The following TMEM108 variants were observed in gnomAD, a reference collection of about 807,000 sequenced individuals.
The protein encoded by TMEM108 is cancer/testis antigen 124.
In TMEM108, 12 loss-of-function variants were observed where a neutral mutation model predicts 35.1. The observed-to-expected ratio is 0.34, with a 90% CI of 0.22 to 0.55. TMEM108 has a LOEUF of 0.55. Ranked by LOEUF, TMEM108 falls within the 20% of genes least tolerant of loss-of-function variation. The pLI, the probability that TMEM108 is intolerant of heterozygous loss-of-function variation, is 0.89. For missense variants in TMEM108, 680 were observed against 753.3 expected (o/e 0.90, Z 1.14); for synonymous variants, 287 against 308.6 (o/e 0.93, Z 0.73).
chr3:133,334,518 C>T (rs1384363877), intron 3 of TMEM108, among the ~76,000 whole-genome samples: 1 of 152,084 alleles, frequency 6.6e-6, no homozygotes, highest in Non-Finnish European at 1.5e-5. Flanking sequence ...GCCAGGAGGA[C>T]AATGACTGTG....
chr3:133,373,384 TGATAGATAGATAGATAGATA>T (rs55867564), intron 3 of TMEM108, among the ~76,000 whole-genome samples: 8,304 of 136,268 alleles, frequency 0.061, 377 homozygotes, highest in East Asian at 0.23. Flanking sequence ...GATAGATAGA[TGATAGATAGATAGATAGATA>T]GATAGATAGA....
At chr3:133,140,714 A>G (rs970371861) in intron 2 of TMEM108, among the ~76,000 whole-genome samples, 4 of 152,186 alleles carry the variant, frequency 2.6e-5, no homozygotes, top group Admixed American at 6.6e-5. Flanking sequence ...GTACTCCATA[A>G]GAAGTCTTAA....
At chr3:133,080,994 G>A (rs757568397) in intron 2 of TMEM108, among the ~76,000 whole-genome samples, 37 of 152,076 alleles carry the variant, frequency 2.4e-4, no homozygotes, top group Non-Finnish European at 5.0e-4. Context: ...CTGACCAGAT[G>A]GGTGATCTTG....
intron 3 of TMEM108, chr3:133,247,811 C>T (rs1946409020): frequency 6.6e-6 from 1 of 152,106 alleles, no homozygotes; most frequent in Admixed American, 6.6e-5. Context: ...CCCTGCCCTC[C>T]AAGAGTTCCC....
chr3:133,354,051 T>A (rs1358777334), intron 3 of TMEM108, among the ~76,000 whole-genome samples: 1 of 152,202 alleles, frequency 6.6e-6, no homozygotes, highest in Non-Finnish European at 1.5e-5. Context: ...GGCTCTTGCT[T>A]CTCCCTGCTG....
intron 2 of TMEM108, among the ~76,000 whole-genome samples, chr3:133,181,293 A>G (rs769324910): frequency 3.3e-5 from 5 of 152,098 alleles, no homozygotes; most frequent in Non-Finnish European, 7.4e-5. Context: ...CCTATGCCCC[A>G]TTACTCCAGA....
At chr3:133,123,133 A>G (rs528651376) in intron 2 of TMEM108, among the ~76,000 whole-genome samples, 1 of 152,336 alleles carries the variant, frequency 6.6e-6, no homozygotes, top group East Asian at 1.9e-4. Flanking sequence ...ATATGTTAGC[A>G]TATACCTTAG....
intron 3 of TMEM108, among the ~76,000 whole-genome samples, chr3:133,236,302 G>C (rs1946236478): frequency 1.3e-5 from 2 of 151,994 alleles, no homozygotes; most frequent in African/African-American, 4.8e-5. Flanking sequence ...ATAACTGTCT[G>C]TAGGTCCCTA....
At chr3:133,229,131 T>C (rs1195515531) in intron 2 of TMEM108, 135 bp from the exon 3 acceptor site, 2 of 577,116 alleles carry the variant, frequency 3.5e-6, no homozygotes, top group African/African-American at 3.8e-5. Context: ...AACTGTGGTG[T>C]ATTTATCCCA....
intron 2 of TMEM108, among the ~76,000 whole-genome samples, chr3:133,227,889 G>A (rs60961447): frequency 0.32 from 48,208 of 151,550 alleles, 8,505 homozygotes; most frequent in East Asian, 0.47. Context: ...GTGAGACTTC[G>A]TCTCAAAAAA....
chr3:133,245,256 G>A (rs145458387), intron 3 of TMEM108, among the ~76,000 whole-genome samples: 108 of 152,324 alleles, frequency 7.1e-4, no homozygotes, highest in African/African-American at 2.5e-3. Context: ...GCTTAAGCAT[G>A]AGTCCAGATT....
intron 2 of TMEM108, among the ~76,000 whole-genome samples, chr3:133,202,867 A>G (rs1320961579): frequency 1.3e-5 from 2 of 152,184 alleles, no homozygotes; most frequent in Non-Finnish European, 2.9e-5. Context: ...CATTGAATCT[A>G]TAAATTACTT....
intron 3 of TMEM108, among the ~76,000 whole-genome samples, chr3:133,311,889 G>A (rs906840524): frequency 6.6e-6 from 1 of 152,160 alleles, no homozygotes; most frequent in African/African-American, 2.4e-5. Context: ...CTACAGATGG[G>A]GTTTTGGTGT....
chr3:133,066,694 T>C (rs1443380867), intron 2 of TMEM108, among the ~76,000 whole-genome samples: 1 of 152,198 alleles, frequency 6.6e-6, no homozygotes, highest in Non-Finnish European at 1.5e-5. Flanking sequence ...AGAGCAGTTA[T>C]AATGTATATA....
chr3:133,370,851 C>T (rs1439850279), intron 3 of TMEM108, among the ~76,000 whole-genome samples: 3 of 144,746 alleles, frequency 2.1e-5, no homozygotes, highest in East Asian at 2.1e-4. Flanking sequence ...AGCTTTATTC[C>T]GTCTGTTTCC....
chr3:133,234,171 T>C (rs995706028), intron 3 of TMEM108, among the ~76,000 whole-genome samples: 13 of 152,120 alleles, frequency 8.5e-5, no homozygotes, highest in Non-Finnish European at 1.5e-4. Flanking sequence ...TTTATGGTTT[T>C]AGGTCTAACA....
At chr3:133,390,475 T>C (rs572883876) in intron 5 of TMEM108, 141 bp downstream of exon 5, 5 of 951,200 alleles carry the variant, frequency 5.3e-6, no homozygotes, top group Non-Finnish European at 7.9e-6. Context: ...CAAGAGGTTG[T>C]AGGCCCTACC....
intron 3 of TMEM108, among the ~76,000 whole-genome samples, chr3:133,238,658 G>T (rs1946272379): frequency 6.6e-6 from 1 of 152,146 alleles, no homozygotes; most frequent in Admixed American, 6.5e-5. Context: ...ACTAGAGAGA[G>T]ATTCAAGGAG....
chr3:133,123,385 G>T (rs975474778), intron 2 of TMEM108, among the ~76,000 whole-genome samples: 5 of 152,178 alleles, frequency 3.3e-5, no homozygotes, highest in Admixed American at 1.3e-4. Context: ...GAGGGTGTCC[G>T]TTTTTAGCAT....
Sources: allele counts gnomAD v4.1 joint callset (sites outside exome capture counted in the v4.1 genomes callset), GRCh38; gene constraint gnomAD v4.1.1; transcripts MANE v1.5; gene names NCBI Gene and HGNC (gene_info 2026-07-23, HGNC 2026-07-21).